Variants in CALN1 observed in about 807,000 individuals in gnomAD.
CALN1 encodes the protein calcium-binding protein 8.
CALN1 carries 17 observed loss-of-function variants against 30.6 expected under a neutral mutation model. The observed-to-expected ratio is 0.56, with a 90% confidence interval of 0.38 to 0.83. CALN1 has a LOEUF of 0.83. CALN1 is among the 40% of genes least tolerant of loss of function. CALN1 has a pLI of 0.00. For synonymous variants in CALN1, 156 were observed against 131.4 expected, an observed-to-expected ratio of 1.19 and a Z score of -1.28; for missense variants, 291 against 354.9, an observed-to-expected ratio of 0.82 and a Z score of 1.45.
intron 5 of CALN1, among the ~76,000 whole-genome samples, chr7:71,813,733 T>C (rs775968451): frequency 7.9e-5 from 12 of 151,874 alleles, no homozygotes; most frequent in Non-Finnish European, 1.6e-4. Flanking sequence ...ATTGAGACCA[T>C]CCTGGCTAAC....
chr7:71,814,312 G>A (rs972857670), intron 5 of CALN1, among the ~76,000 whole-genome samples: 8 of 152,260 alleles, frequency 5.3e-5, no homozygotes, highest in African/African-American at 1.9e-4. Flanking sequence ...GGGCAAGGGT[G>A]AGGGGTAATT....
chr7:72,298,749 C>T (rs1388061235), intron 2 of CALN1, among the ~76,000 whole-genome samples: 2 of 149,848 alleles, frequency 1.3e-5, no homozygotes, highest in Non-Finnish European at 3.0e-5. Context: ...GGGGGCGGGT[C>T]TTTCCTGCAC....
intron 2 of CALN1, among the ~76,000 whole-genome samples, chr7:72,304,263 G>A (rs993308563): frequency 5.3e-5 from 8 of 152,232 alleles, no homozygotes; most frequent in Non-Finnish European, 7.3e-5. Context: ...GATGGGAAAG[G>A]GGAAAGACTC....
intron 5 of CALN1, among the ~76,000 whole-genome samples, chr7:71,887,301 C>T (rs780153597): frequency 6.6e-6 from 1 of 152,040 alleles, no homozygotes; most frequent in African/African-American, 2.4e-5. Flanking sequence ...CATAATTATG[C>T]TTTTGTTTTT....
intron 4 of CALN1, chr7:72,104,117 A>G (rs1428144693): frequency 1.3e-5 from 2 of 153,586 alleles, no homozygotes; most frequent in African/African-American, 2.4e-5. Context: ...GCAGAGAATC[A>G]ATGAATGGCC....
rs76106859 is a variant in CALN1, at chr7:72,265,423, C to G, written c.244+13263G>C. Among the ~76,000 whole-genome samples, 241 of 152,174 alleles carry G rather than the reference C, an allele frequency of 1.6e-3. 1 individual carries two copies. Among genetic ancestry groups the G allele is most frequent in the African/African-American group, 5.6e-3 (231 of 41,512 alleles). ...TGAACCTGCTGCTGGCCAATTACTG[C>G]AAGGAGAAACAATAGTGTCAGTGAA... On this transcript the variant is annotated intron_variant, in intron 3 of 6. Coordinates refer to ENST00000395275, the MANE Select transcript of CALN1 (RefSeq NM_031468.4).
intron 5 of CALN1, among the ~76,000 whole-genome samples, chr7:71,875,002 T>C (rs1363358222): frequency 2.0e-5 from 3 of 151,806 alleles, no homozygotes; most frequent in Non-Finnish European, 4.4e-5. Context: ...CCGTCTCTAC[T>C]AAAAATACAA....
intron 4 of CALN1, among the ~76,000 whole-genome samples, chr7:72,091,732 T>C (rs974358369): frequency 1.3e-5 from 2 of 152,224 alleles, no homozygotes; most frequent in Non-Finnish European, 2.9e-5. Flanking sequence ...CTGTGGCAGA[T>C]GCCGTACCCA....
chr7:72,203,979 CTTTTTTTTTTTTTTTTTTTTTT>C (rs869149598), intron 3 of CALN1, among the ~76,000 whole-genome samples: 1,721 of 83,890 alleles, frequency 0.021, 91 homozygotes, highest in African/African-American at 0.081. Context: ...AGGCCTCTCT[CTTTTTTTTTTTTTTTTTTTTTT>C]TTTTTTTTGA....
chr7:72,478,887 C>CTGTTTTTTTTTTTT, the CALN1 span, among the ~76,000 whole-genome samples: 1 of 139,380 alleles, frequency 7.2e-6, no homozygotes, highest in Non-Finnish European at 1.5e-5. Flanking sequence ...CGAACCACTT[C>CTGTTTTTTTTTTTT]TTTTTTTTTT....
intron 3 of CALN1, among the ~76,000 whole-genome samples, chr7:72,203,975 CTCTCTT>C (rs1791625114): frequency 9.8e-6 from 1 of 101,582 alleles, no homozygotes; most frequent in African/African-American, 5.3e-5. Context: ...TAAGAGGCCT[CTCTCTT>C]TTTTTTTTTT....
intron 4 of CALN1, among the ~76,000 whole-genome samples, chr7:72,097,158 G>A (rs1189505461): frequency 2.6e-5 from 4 of 151,980 alleles, no homozygotes; most frequent in Non-Finnish European, 2.9e-5. Flanking sequence ...GGGGCCTGTC[G>A]TGGGGTGGGG....
At chr7:71,805,357 G>A (rs1028644356) in intron 6 of CALN1, among the ~76,000 whole-genome samples, 3 of 152,206 alleles carry the variant, frequency 2.0e-5, no homozygotes, top group African/African-American at 7.2e-5. Flanking sequence ...CTCTGGGGCT[G>A]AGGGAAGAGG....
chr7:72,395,529 T>C (rs899665411), intron 2 of CALN1, among the ~76,000 whole-genome samples: 1 of 152,250 alleles, frequency 6.6e-6, no homozygotes, highest in African/African-American at 2.4e-5. Flanking sequence ...CGAATTTTAC[T>C]GACCATGAAG....
intron 2 of CALN1, among the ~76,000 whole-genome samples, chr7:72,352,770 TAGA>T (rs751204164): frequency 6.6e-6 from 1 of 151,338 alleles, no homozygotes; most frequent in Non-Finnish European, 1.5e-5. Flanking sequence ...TGAAAGAAAA[TAGA>T]AGAAAGGAAA....
At chr7:72,116,672 T>C (rs1479539878) in intron 3 of CALN1, among the ~76,000 whole-genome samples, 1 of 152,198 alleles carries the variant, frequency 6.6e-6, no homozygotes, top group Non-Finnish European at 1.5e-5. Flanking sequence ...TCACTGCATC[T>C]GTGCTGTTAA....
intron 5 of CALN1, among the ~76,000 whole-genome samples, chr7:71,969,245 T>C (rs1319590379): frequency 6.6e-6 from 1 of 152,046 alleles, no homozygotes; most frequent in Non-Finnish European, 1.5e-5. Context: ...TGTAACTAAT[T>C]AGTGTTACCC....
intron 6 of CALN1, among the ~76,000 whole-genome samples, chr7:71,789,253 C>T (rs933122830): frequency 2.0e-5 from 3 of 152,110 alleles, no homozygotes; most frequent in African/African-American, 7.2e-5. Flanking sequence ...CCCATCTCTA[C>T]TAAAAATACA....
chr7:72,400,111 G>A (rs1189280675), intron 2 of CALN1, among the ~76,000 whole-genome samples: 1 of 152,052 alleles, frequency 6.6e-6, no homozygotes, highest in East Asian at 1.9e-4. Context: ...CCCAATCTCA[G>A]GTATTCCTTT....
Sources: gnomAD v4.1 joint callset for allele counts (sites outside exome capture counted in the v4.1 genomes callset) on GRCh38, gnomAD v4.1.1 for gene constraint, MANE v1.5 for transcripts, NCBI Gene and HGNC (gene_info 2026-07-23, HGNC 2026-07-21) for gene names.